HCN1: variants seen among roughly 807,000 people sequenced by gnomAD.
HCN1 encodes potassium/sodium hyperpolarization-activated cyclic nucleotide-gated channel 1.
Under a neutral mutation model 78.9 loss-of-function variants are expected in HCN1, and 13 were observed. The observed-to-expected ratio is 0.16, with a 90% CI of 0.11 to 0.26. HCN1 has a LOEUF of 0.26. HCN1 is among the 10% of genes least tolerant of loss of function. The probability of loss-of-function intolerance (pLI) is 1.00; values close to 1 mark genes in which losing one functional copy is unlikely to be tolerated. For synonymous variants in HCN1, 552 were observed against 455.5 expected (o/e 1.21, Z -2.70); for missense variants, 810 against 1,154.3 (o/e 0.70, Z 4.32).
intron 2 of HCN1, among the ~76,000 whole-genome samples, chr5:45,468,695 A>C (rs1741330821): frequency 6.6e-6 from 1 of 152,084 alleles, no homozygotes; most frequent in East Asian, 1.9e-4. Flanking sequence ...AATCAGAGAT[A>C]ATGTATTACT....
At chr5:45,326,012 A>G (rs1181745186) in intron 5 of HCN1, among the ~76,000 whole-genome samples, 5 of 151,642 alleles carry the variant, frequency 3.3e-5, no homozygotes, top group African/African-American at 1.2e-4. Flanking sequence ...ATGAATTGAC[A>G]TAAGATGCCT....
intron 1 of HCN1, among the ~76,000 whole-genome samples, chr5:45,659,799 C>A (rs1299254600): frequency 8.8e-6 from 1 of 113,134 alleles, no homozygotes; most frequent in Non-Finnish European, 1.8e-5. Context: ...AAATATGGGA[C>A]TATGTGAAAA....
chr5:45,353,168 G>C lies in HCN1; in HGVS notation c.1309C>G (p.His437Asp). The change falls in exon 5 of 8, where the codon CAC becomes GAC. Residue 437 changes from histidine to aspartate, a missense_variant. Physicochemically the swap from His to Asp is moderately conservative, Grantham distance 81 (BLOSUM62 -1). Coordinates refer to ENST00000303230, the MANE Select transcript of HCN1 (RefSeq NM_021072.4). ...MRQKIHDYYEHRYQGKIFDEE... is the reference protein window; with the variant it reads ...MRQKIHDYYEDRYQGKIFDEE... The stretch of plus-strand genomic sequence containing the variant: ...TCAAAGATTTTGCCTTGGTATCTGT[G>C]TTCATAGTAATCATGTATCTTCTGA... 1 of 1,609,648 alleles carries C rather than the reference G, an allele frequency of 6.2e-7. No individual in the cohort carries two copies. The highest frequency in any genetic ancestry group is 8.5e-7 in the Non-Finnish European group (1 of 1,176,632).
At chr5:45,483,816 C>T (rs1391312910) in intron 2 of HCN1, among the ~76,000 whole-genome samples, 1 of 152,020 alleles carries the variant, frequency 6.6e-6, no homozygotes, top group Non-Finnish European at 1.5e-5. Context: ...GGTAGGAGTC[C>T]AGCTTCAATT....
chr5:45,404,159 C>T (rs1177792154), intron 3 of HCN1, among the ~76,000 whole-genome samples: 2 of 152,094 alleles, frequency 1.3e-5, no homozygotes, highest in Non-Finnish European at 2.9e-5. Context: ...TTTGTAATCC[C>T]ATTCTGCCTT....
chr5:45,476,409 G>A (rs1741516470), intron 2 of HCN1, among the ~76,000 whole-genome samples: 1 of 152,074 alleles, frequency 6.6e-6, no homozygotes, highest in African/African-American at 2.4e-5. Flanking sequence ...ACTATCTGTT[G>A]TTTAAGCCAC....
At chr5:45,524,868 G>T (rs113895509) in intron 2 of HCN1, among the ~76,000 whole-genome samples, 4,823 of 152,156 alleles carry the variant, frequency 0.032, 106 homozygotes, top group Middle Eastern at 0.054. Context: ...CTGTCCAATT[G>T]CCCTGGCCAG....
chr5:45,419,748 G>T (rs1016526069), intron 3 of HCN1, among the ~76,000 whole-genome samples: 1 of 152,128 alleles, frequency 6.6e-6, no homozygotes, highest in African/African-American at 2.4e-5. Context: ...CCTGTTGAAG[G>T]TCACTACTCC....
intron 1 of HCN1, among the ~76,000 whole-genome samples, chr5:45,685,404 C>T (rs1739783461): frequency 6.6e-6 from 1 of 152,044 alleles, no homozygotes; most frequent in Non-Finnish European, 1.5e-5. Flanking sequence ...GAAAATTTTG[C>T]AGAAACAGGA....
At chr5:45,544,790 C>T (rs1254545981) in intron 2 of HCN1, among the ~76,000 whole-genome samples, 1 of 152,056 alleles carries the variant, frequency 6.6e-6, no homozygotes, top group Non-Finnish European at 1.5e-5. Flanking sequence ...CATCCTTTTT[C>T]ATGACTGCAT....
At chr5:45,615,356 G>T (rs1374597589) in intron 2 of HCN1, among the ~76,000 whole-genome samples, 1 of 151,944 alleles carries the variant, frequency 6.6e-6, no homozygotes, top group African/African-American at 2.4e-5. Flanking sequence ...ATGGCTATAG[G>T]TTTTGCTCTG....
intron 2 of HCN1, among the ~76,000 whole-genome samples, chr5:45,547,237 A>T (rs962022882): frequency 5.9e-5 from 9 of 151,944 alleles, no homozygotes; most frequent in African/African-American, 2.2e-4. Context: ...TGAAAGAAGT[A>T]AAGAAAAGGA....
intron 2 of HCN1, among the ~76,000 whole-genome samples, chr5:45,534,707 T>G (rs529985011): frequency 6.6e-6 from 1 of 152,094 alleles, no homozygotes; most frequent in Non-Finnish European, 1.5e-5. Context: ...TGTATCAATT[T>G]GTTAAGCGAA....
intron 4 of HCN1, among the ~76,000 whole-genome samples, chr5:45,355,893 G>A (rs1487059565): frequency 6.6e-6 from 1 of 151,918 alleles, no homozygotes; most frequent in African/African-American, 2.4e-5. Flanking sequence ...ACTGAACAGT[G>A]GCCAGTGAAT....
At chr5:45,506,818 A>C (rs940383495) in intron 2 of HCN1, among the ~76,000 whole-genome samples, 18 of 152,150 alleles carry the variant, frequency 1.2e-4, no homozygotes, top group Admixed American at 5.2e-4. Flanking sequence ...TTATTGTATC[A>C]TAAAAGCTCA....
intron 2 of HCN1, among the ~76,000 whole-genome samples, chr5:45,489,181 C>G (rs560259728): frequency 6.6e-6 from 1 of 152,178 alleles, no homozygotes; most frequent in South Asian, 2.1e-4. Flanking sequence ...GATTTCTAAG[C>G]GAAGATGCCA....
At chr5:45,372,848 C>T (rs978757855) in intron 4 of HCN1, among the ~76,000 whole-genome samples, 38 of 142,474 alleles carry the variant, frequency 2.7e-4, no homozygotes, top group Middle Eastern at 0.011. Flanking sequence ...AAAATATGTT[C>T]GTATTCTATA....
intron 1 of HCN1, among the ~76,000 whole-genome samples, chr5:45,653,789 C>T (rs934966476): frequency 1.3e-5 from 2 of 151,822 alleles, no homozygotes; most frequent in South Asian, 2.1e-4. Context: ...GGAGAGGGGA[C>T]GGATAGCATT....
intron 5 of HCN1, among the ~76,000 whole-genome samples, chr5:45,335,666 T>C (rs138287761): frequency 6.6e-6 from 1 of 152,240 alleles, no homozygotes; most frequent in African/African-American, 2.4e-5. Flanking sequence ...CTGTAAGAGC[T>C]CTATCCTATT....
Sources: allele counts gnomAD v4.1 joint callset (sites outside exome capture counted in the v4.1 genomes callset), GRCh38; gene constraint gnomAD v4.1.1; transcripts MANE v1.5; gene names NCBI Gene and HGNC (gene_info 2026-07-23, HGNC 2026-07-21).